Variants in MESD observed in about 807,000 individuals in gnomAD.
MESD encodes the protein mesoderm development LRP chaperone.
Under a neutral mutation model 12.9 loss-of-function variants are expected in MESD, and 7 were observed. The observed-to-expected ratio is 0.54, with a 90% CI of 0.31 to 1.02. MESD has a LOEUF of 1.02. MESD is among the 50% of genes least tolerant of loss of function. The pLI is 0.05. For missense variants in MESD, 342 were observed against 296.7 expected (o/e 1.15, Z -1.12); for synonymous variants, 126 against 115.6 (o/e 1.09, Z -0.58).
At chr15:80,971,060 C>T (rs530566152), downstream of MESD, among the ~76,000 whole-genome samples, 3 of 152,166 alleles carry the variant, frequency 2.0e-5, no homozygotes, top group Non-Finnish European at 4.4e-5. Context: ...CCCACAAGAG[C>T]AGACACTGAA....
In MESD at chr15:80,967,682, C is replaced by G. The variant is rs541340707; in HGVS notation, c.*288+11249G>C. 2.0e-5 allele frequency among the ~76,000 whole-genome samples: 3 copies of G among 152,344 alleles called. No homozygotes were observed. In the East Asian group the frequency reaches 5.8e-4, roughly 29 times the overall value. ...CAGATGCAAGGCAGACCAGATGTCC[C>G]TGGGCATTCTTCACATTCCACCAAC... On this transcript the variant is annotated intron_variant, in intron 3 of 4. Transcript: ENST00000561312.
In MESD at chr15:80,963,391, A is replaced by G. The variant is rs375739341; in HGVS notation, c.*289-11095T>C. ...CCAGACAGATTCACAGCCAAATTCT[A>G]CCAGAGGTACAAAGAGGAGCTGGTA... is the stretch of plus-strand genomic sequence containing the variant. On this transcript the variant is annotated intron_variant, in intron 3 of 4. Transcript: ENST00000561312. Among the ~76,000 whole-genome samples the G allele has an allele frequency of 6.4e-3, 969 of 152,336 alleles. 13 individuals carry two copies. Among genetic ancestry groups the G allele is most frequent in the African/African-American group, 0.022 (910 of 41,558 alleles).
intron 3 of MESD, among the ~76,000 whole-genome samples, chr15:80,964,162 C>G (rs1007114234): frequency 3.3e-5 from 5 of 152,180 alleles, no homozygotes; most frequent in African/African-American, 1.2e-4. Context: ...GCAAAAATCA[C>G]AAGCATTCCT....
At chr15:80,948,300 T>G in exon 5 of MESD, 1 of 230,572 alleles carries the variant, frequency 4.3e-6, no homozygotes, top group Non-Finnish European at 8.8e-6. Context: ...TAATCTGGGG[T>G]GCACCATTTA....
At position 80,956,936 on chromosome 15, in the gene MESD, C is replaced by A. The variant is rs551753243; in HGVS notation, c.*289-4640G>T. Among the ~76,000 whole-genome samples the A allele has an allele frequency of 2.0e-5, 3 of 152,194 alleles. No individual in the cohort carries two copies. The South Asian group carries it at 6.2e-4, about 32-fold the overall frequency. On this transcript the variant is annotated intron_variant, in intron 3 of 4. Transcript: ENST00000561312. Reference sequence around the variant, plus strand: ...AGGCTCAAGGGATCCTCCTACCTCACCCCCTGAGTAGCTGGGACTACAGGC... The same window carrying A: ...AGGCTCAAGGGATCCTCCTACCTCAACCCCTGAGTAGCTGGGACTACAGGC...
chr15:80,953,197 T>C (rs1901886237), intron 3 of MESD, among the ~76,000 whole-genome samples: 1 of 152,126 alleles, frequency 6.6e-6, no homozygotes, highest in Admixed American at 6.5e-5. Flanking sequence ...CAGGGTCAGC[T>C]TTAGGGCCCA....
At chr15:80,974,069 C>CG (rs1567123204), downstream of MESD, among the ~76,000 whole-genome samples, 1 of 152,092 alleles carries the variant, frequency 6.6e-6, no homozygotes, top group East Asian at 1.9e-4. Context: ...GTTCCCCCCC[C>CG]CACTGGGGAG....
At chr15:80,967,240 C>T (rs1020432922) in intron 3 of MESD, among the ~76,000 whole-genome samples, 6 of 151,590 alleles carry the variant, frequency 4.0e-5, no homozygotes, top group South Asian at 4.2e-4. Flanking sequence ...TGTGGTGAAC[C>T]GAGATCACAC....
intron 1 of MESD, among the ~76,000 whole-genome samples, chr15:80,987,377 T>C (rs1201601022): frequency 6.6e-6 from 1 of 152,210 alleles, no homozygotes; most frequent in Non-Finnish European, 1.5e-5. Flanking sequence ...TCTACAAACA[T>C]TAACTCATTT....
chr15:80,952,995 G>A (rs1360378853), intron 3 of MESD: 1 of 456,074 alleles, frequency 2.2e-6, no homozygotes. Flanking sequence ...CGCCTGGATT[G>A]GTCAGGGAAG....
chr15:80,980,568 C>T lies in MESD; in HGVS notation c.447-1091G>A, dbSNP rs878943538. Among the ~76,000 whole-genome samples, 5 of 152,128 alleles carry T rather than the reference C, an allele frequency of 3.3e-5. 1 individual carries two copies. Among genetic ancestry groups the T allele is most frequent in the Admixed American group, 3.3e-4 (5 of 15,274 alleles). On this transcript the variant is annotated intron_variant, in intron 2 of 2. Coordinates refer to ENST00000261758, the MANE Select transcript of MESD (RefSeq NM_015154.3). ...CTCAAAGAGTCTAAACTAAGCTATA[C>T]ACCCTTCTGTTCAGATGAAATAAAA...
Position 80,953,771 on chromosome 15 carries a change from C to T in MESD, c.*289-1475G>A, listed in dbSNP as rs116709649. Among the ~76,000 whole-genome samples, 1,045 of 152,218 alleles carry T rather than the reference C, an allele frequency of 6.9e-3. 15 individuals carry two copies. Among genetic ancestry groups the T allele is most frequent in the African/African-American group, 0.024 (999 of 41,526 alleles). On this transcript the variant is annotated intron_variant, in intron 3 of 4. Transcript: ENST00000561312. Reference sequence around the variant, plus strand: ...CAGACAGGAGGGGTGAAGGCATGGGCGTTCACTCATGGAGGCTGGGGTGGC... The same window carrying T: ...CAGACAGGAGGGGTGAAGGCATGGGTGTTCACTCATGGAGGCTGGGGTGGC...
downstream of MESD, chr15:80,947,135 C>A: frequency 1.0e-6 from 1 of 996,516 alleles, no homozygotes; most frequent in Non-Finnish European, 1.6e-6. Context: ...ATGGAGGGTG[C>A]TGTCATCTTT....
Position 80,989,705 on chromosome 15 carries a change from A to G in MESD, c.87T>C (p.Pro29=), listed in dbSNP as rs1200240087. 1 of 1,611,084 alleles carries G rather than the reference A, an allele frequency of 6.2e-7. No homozygotes were observed. Among genetic ancestry groups the G allele is most frequent in the Admixed American group, 1.7e-5 (1 of 60,016 alleles). ...GCGAGCCTTCGGCCGCGCAGGACCC[A>G]GGCGGTGGTAGCAGTAGCAGCAGCA... ...LLLLLLLLPP[P]GSCAAEGSPG... is the part of the protein sequence containing the mutation. Residue 29 remains proline (P), a synonymous_variant, in exon 1 of 3, where the codon CCT becomes CCC. Transcript: ENST00000261758.
chr15:80,987,221 C>A (rs187997086), intron 1 of MESD, among the ~76,000 whole-genome samples: 2 of 152,260 alleles, frequency 1.3e-5, no homozygotes, highest in African/African-American at 4.8e-5. Context: ...TCTCACACTG[C>A]TGGGGAAGGA....
chr15:80,981,436 C>CAAAAAAA (rs58445538), intron 2 of MESD, among the ~76,000 whole-genome samples: 1 of 48,456 alleles, frequency 2.1e-5, no homozygotes, highest in African/African-American at 6.5e-5. Context: ...GACTCCGTCT[C>CAAAAAAA]AAAAAAAAAA....
chr15:80,985,090 TA>T (rs2141816359), intron 1 of MESD, among the ~76,000 whole-genome samples: 1 of 152,316 alleles, frequency 6.6e-6, no homozygotes, highest in Non-Finnish European at 1.5e-5. Flanking sequence ...CATAACACAC[TA>T]ACCTTCTTTT....
chr15:80,969,313 T>C (rs560487758), intron 3 of MESD, among the ~76,000 whole-genome samples: 1 of 152,200 alleles, frequency 6.6e-6, no homozygotes, highest in African/African-American at 2.4e-5. Context: ...CTGAAAGACA[T>C]TGTGTGTCTT....
exon 5 of MESD, chr15:80,947,769 T>C (rs1186063750): frequency 6.6e-6 from 1 of 152,602 alleles, no homozygotes; most frequent in Non-Finnish European, 1.5e-5. Context: ...TTGCACAACA[T>C]GTTATAATTA....
Sources: gnomAD v4.1 joint callset for allele counts (sites outside exome capture counted in the v4.1 genomes callset) on GRCh38, gnomAD v4.1.1 for gene constraint, MANE v1.5 for transcripts, NCBI Gene and HGNC (gene_info 2026-07-23, HGNC 2026-07-21) for gene names.